YME1L1: variants seen among roughly 807,000 people sequenced by gnomAD.
YME1L1 encodes the protein ATP-dependent zinc metalloprotease YME1L1.
YME1L1 carries 39 observed loss-of-function variants against 90.4 expected under a neutral mutation model. That is an observed-to-expected ratio of 0.43 (90% CI 0.33 to 0.56). The LOEUF (loss-of-function observed/expected upper bound fraction) is 0.56. Ranked by LOEUF, YME1L1 falls within the 20% of genes least tolerant of loss-of-function variation. The pLI is 0.03. For missense variants in YME1L1, 617 were observed against 868.4 expected, an observed-to-expected ratio of 0.71 and a Z score of 3.64; for synonymous variants, 284 against 287.3, an observed-to-expected ratio of 0.99 and a Z score of 0.12.
At position 27,147,625 on chromosome 10, in the gene YME1L1, A is replaced by G. The variant is rs2057159498; in HGVS notation, c.168+1281T>C. On this transcript the variant is annotated intron_variant, in intron 2 of 18. Coordinates refer to ENST00000376016, the MANE Select transcript of YME1L1 (RefSeq NM_014263.4). The stretch of plus-strand genomic sequence containing the variant: ...CCCTTCGAATATTTTTCCTTTGCCA[A>G]TTGAAACAATGTTAAGCTTCGTCAG... 2 of 1,554,896 alleles carry G rather than the reference A, an allele frequency of 1.3e-6. No homozygotes were observed. Among genetic ancestry groups the G allele is most frequent in the Non-Finnish European group, 8.7e-7 (1 of 1,148,860 alleles).
intron 4 of YME1L1, among the ~76,000 whole-genome samples, chr10:27,139,949 G>A (rs548852501): frequency 6.6e-6 from 1 of 152,094 alleles, no homozygotes; most frequent in African/African-American, 2.4e-5. Context: ...TGCTTTGTGT[G>A]TATTAATTTC....
chr10:27,113,083 G>T (rs183207664), intron 18 of YME1L1, among the ~76,000 whole-genome samples: 92 of 151,890 alleles, frequency 6.1e-4, no homozygotes, highest in African/African-American at 2.0e-3. Context: ...AGCTAGGCAT[G>T]GCAGCATGCG....
At chr10:27,144,500 T>A (rs188368957) in intron 3 of YME1L1, among the ~76,000 whole-genome samples, 91 of 152,230 alleles carry the variant, frequency 6.0e-4, no homozygotes, top group Middle Eastern at 3.4e-3. Context: ...TTAAGTGCCA[T>A]CCAAAGAAAA....
intron 13 of YME1L1, 79 bp downstream of exon 13, chr10:27,120,356 T>C: frequency 3.1e-6 from 3 of 959,220 alleles, no homozygotes; most frequent in Non-Finnish European, 4.7e-6. Flanking sequence ...TTAATACATG[T>C]ATCATGAAAG....
At chr10:27,153,288 C>G (rs2057251322) in intron 1 of YME1L1, 2 of 469,092 alleles carry the variant, frequency 4.3e-6, no homozygotes, top group South Asian at 3.1e-5. Flanking sequence ...AGTACTAGCA[C>G]AAAAAATTAA....
At chr10:27,115,981 A>G in intron 17 of YME1L1, 79 bp downstream of exon 17, 2 of 1,291,618 alleles carry the variant, frequency 1.5e-6, no homozygotes, top group East Asian at 2.3e-5. Context: ...AATATTACCA[A>G]TTTATAATCA....
At chr10:27,120,638 C>T in intron 12 of YME1L1, 91 bp from the exon 13 acceptor site, 1 of 904,230 alleles carries the variant, frequency 1.1e-6, no homozygotes, top group East Asian at 2.6e-5. Context: ...GACTGGGAAG[C>T]CAATGGCAGC....
In YME1L1 at chr10:27,125,736, G is replaced by A. The variant is rs748281290; in HGVS notation, c.949+960C>T. Among the ~76,000 whole-genome samples the A allele has an allele frequency of 1.4e-3, 211 of 150,994 alleles. 1 individual carries two copies. The highest frequency in any genetic ancestry group is 2.7e-3 in the Non-Finnish European group (183 of 67,926). On this transcript the variant is annotated intron_variant, in intron 9 of 18. Coordinates refer to ENST00000376016, the MANE Select transcript of YME1L1 (RefSeq NM_014263.4). The stretch of plus-strand genomic sequence containing the variant: ...GCTCACTGCAACCTCTGCCTCCTAG[G>A]TTCAAACGATTCTCCTGCCTCAGCC...
Position 27,124,370 on chromosome 10 carries a change from C to T in YME1L1, c.950-671G>A, listed in dbSNP as rs1630674. 4.3e-3 allele frequency among the ~76,000 whole-genome samples: 660 copies of T among 152,204 alleles called. 4 individuals are homozygous for T. Among genetic ancestry groups the T allele is most frequent in the African/African-American group, 0.015 (619 of 41,554 alleles). ...GGATATGGATGTTAATTGTACTGTTCTTTCAAGGTTTTCCATGTTTGCAAA... is the reference window on the plus strand; with the variant it reads ...GGATATGGATGTTAATTGTACTGTTTTTTCAAGGTTTTCCATGTTTGCAAA... On this transcript the variant is annotated intron_variant, in intron 9 of 18. Coordinates refer to ENST00000376016, the MANE Select transcript of YME1L1 (RefSeq NM_014263.4).
intron 2 of YME1L1, chr10:27,147,493 T>G (rs563835268): frequency 6.2e-7 from 1 of 1,613,686 alleles, no homozygotes; most frequent in Admixed American, 1.7e-5. Flanking sequence ...AAACCCGCAG[T>G]GTACAGGGAT....
In YME1L1 at chr10:27,114,544, G is replaced by C. The variant is rs1318930522; in HGVS notation, c.1984C>G (p.Gln662Glu). 6.2e-7 allele frequency: 1 copy of C among 1,613,758 alleles called. No individual in the cohort carries two copies. Among genetic ancestry groups the C allele is most frequent in the South Asian group, 1.1e-5 (1 of 91,062 alleles). ...LSPETQSAIE[Q>E]EIRILLRDSY... Reference sequence around the variant, plus strand: ...ACCCTTAGAAGGATTCTTATTTCTTGTTCGATGGCAGATTGGGTTTCTGGA... The same window carrying C: ...ACCCTTAGAAGGATTCTTATTTCTTCTTCGATGGCAGATTGGGTTTCTGGA... The change falls in exon 18 of 19, where the codon CAA becomes GAA. Residue 662 changes from glutamine (Q) to glutamate (E), a missense_variant. By Grantham distance (29) the Gln-to-Glu change is conservative. Coordinates refer to ENST00000376016, the MANE Select transcript of YME1L1 (RefSeq NM_014263.4).
intron 4 of YME1L1, among the ~76,000 whole-genome samples, chr10:27,140,233 G>C (rs942877869): frequency 1.3e-5 from 2 of 152,134 alleles, no homozygotes; most frequent in Middle Eastern, 3.4e-3. Context: ...TTGAACTCCC[G>C]ACCTCAGGTG....
At chr10:27,145,340 A>C in intron 3 of YME1L1, 88 bp downstream of exon 3, 1 of 1,187,050 alleles carries the variant, frequency 8.4e-7, no homozygotes, top group Non-Finnish European at 1.1e-6. Flanking sequence ...AGCCCACAAT[A>C]AACGCTACTG....
intron 2 of YME1L1, 64 bp from the exon 3 acceptor site, chr10:27,145,654 C>T (rs754124008): frequency 5.5e-5 from 72 of 1,302,548 alleles, no homozygotes; most frequent in Non-Finnish European, 7.2e-5. Flanking sequence ...CTAAGGAGTA[C>T]ATATTATCAG....
chr10:27,133,542 G>A lies in YME1L1; in HGVS notation c.775+497C>T, dbSNP rs1365307398. 2.6e-5 allele frequency among the ~76,000 whole-genome samples: 4 copies of A among 152,194 alleles called. No homozygotes were observed. In the East Asian group the frequency reaches 7.7e-4, roughly 29 times the overall value. On this transcript the variant is annotated intron_variant, in intron 7 of 18. Transcript: ENST00000376016. ...TCTAGAATGAACACCAATAGTTTTG[G>A]CCCACAAAGTATTTTTTAAGAATCT...
At chr10:27,123,952 G>C (rs1000471775) in intron 9 of YME1L1, among the ~76,000 whole-genome samples, 6 of 151,634 alleles carry the variant, frequency 4.0e-5, no homozygotes, top group Admixed American at 3.3e-4. Context: ...GGAGAATCTT[G>C]AGGCAAAAAA....
intron 3 of YME1L1, among the ~76,000 whole-genome samples, chr10:27,142,738 C>T (rs761396976): frequency 3.4e-4 from 51 of 151,778 alleles, no homozygotes; most frequent in Admixed American, 8.7e-4. Flanking sequence ...TTTTTTGAGA[C>T]GGAGTCCCGC....
intron 8 of YME1L1, among the ~76,000 whole-genome samples, chr10:27,129,834 T>C (rs1270871573): frequency 6.6e-6 from 1 of 152,192 alleles, no homozygotes; most frequent in African/African-American, 2.4e-5. Flanking sequence ...CTCCTATTGC[T>C]ACACAATTTA....
chr10:27,116,366 C>A, intron 15 of YME1L1, 21 bp from the exon 16 acceptor site: 3 of 1,611,542 alleles, frequency 1.9e-6, no homozygotes, highest in South Asian at 1.1e-5. Flanking sequence ...AAAAATTAAT[C>A]AGATAAAAAA....
Sources: gnomAD v4.1 joint callset for allele counts (sites outside exome capture counted in the v4.1 genomes callset) on GRCh38, gnomAD v4.1.1 for gene constraint, MANE v1.5 for transcripts, NCBI Gene and HGNC (gene_info 2026-07-23, HGNC 2026-07-21) for gene names.